TBC1D16: variants seen among roughly 807,000 people sequenced by gnomAD.
TBC1D16 encodes the protein CTD-2529O21.1.
Under a neutral mutation model 74.7 loss-of-function variants are expected in TBC1D16, and 58 were observed. That is an observed-to-expected ratio of 0.78 (90% CI 0.63 to 0.97). The LOEUF (loss-of-function observed/expected upper bound fraction) is 0.97. TBC1D16 is among the 50% of genes least tolerant of loss of function. The pLI, the probability that TBC1D16 is intolerant of heterozygous loss-of-function variation, is 0.00. For missense variants in TBC1D16, 1,014 were observed against 1,079.5 expected, an observed-to-expected ratio of 0.94 and a Z score of 0.85; for synonymous variants, 493 against 474.7, an observed-to-expected ratio of 1.04 and a Z score of -0.50.
rs924821105 is a variant in TBC1D16, at chr17:79,971,939, C to T, written c.780-19121G>A. The stretch of plus-strand genomic sequence containing the variant: ...TGGGTGCAGGGACAAGGAAGGTCTG[C>T]GGAGGACAGGTCGGAGTGCTCTGAA... On this transcript the variant is annotated intron_variant, in intron 3 of 11. Coordinates refer to ENST00000310924, the MANE Select transcript of TBC1D16 (RefSeq NM_019020.4). This position sits in a 1 kb window ranked among gnomAD's most constrained non-coding sequence, Gnocchi z 4.6. Among the ~76,000 whole-genome samples the T allele has an allele frequency of 6.6e-5, 10 of 151,960 alleles. No individual in the cohort carries two copies. The highest frequency in any genetic ancestry group is 4.2e-4 in the South Asian group (2 of 4,808).
At chr17:79,953,963 T>A (rs56015805) in intron 3 of TBC1D16, among the ~76,000 whole-genome samples, 8,435 of 151,986 alleles carry the variant, frequency 0.055, 470 homozygotes, top group African/African-American at 0.14. Context: ...AGAGACGAGG[T>A]TTCACCATGT....
chr17:80,003,709 C>T (rs893045608), intron 3 of TBC1D16, among the ~76,000 whole-genome samples: 6 of 152,166 alleles, frequency 3.9e-5, no homozygotes, highest in Admixed American at 3.9e-4. Context: ...TCCTCTCAAC[C>T]TCTGCCATCC....
rs1169381990 is a variant in TBC1D16 at position 80,010,514 on chromosome 17, A to G, written c.425T>C (p.Leu142Pro). Residue 142 changes from leucine (L) to proline (P), a missense_variant, in exon 3 of 12, where the codon CTG becomes CCG. Coordinates refer to ENST00000310924, the MANE Select transcript of TBC1D16 (RefSeq NM_019020.4). The surrounding 1 kb of genome is among the most constrained non-coding windows in gnomAD (Gnocchi z 8.8). Reference protein sequence around the residue: ...PTLTPKDEDILVVAQSVPDRM... With the variant: ...PTLTPKDEDIPVVAQSVPDRM... The stretch of plus-strand genomic sequence containing the variant: ...GTCTGGAACACTCTGGGCCACCACC[A>G]GGATGTCCTCATCTTTGGGGGTCAG... 5 of 1,611,252 alleles carry G rather than the reference A, an allele frequency of 3.1e-6. No individual in the cohort carries two copies. The South Asian group carries it at 4.4e-5, about 14-fold the overall frequency.
intron 1 of TBC1D16, among the ~76,000 whole-genome samples, chr17:80,014,473 C>T (rs1382800699): frequency 6.6e-6 from 1 of 152,070 alleles, no homozygotes; most frequent in Admixed American, 6.6e-5. Flanking sequence ...AAAATGGGTG[C>T]TCCACACAAG....
chr17:79,989,295 G>A (rs773235313), intron 3 of TBC1D16, among the ~76,000 whole-genome samples: 1 of 152,218 alleles, frequency 6.6e-6, no homozygotes, highest in East Asian at 1.9e-4. Flanking sequence ...GGACCTGCCC[G>A]ACGGGTTTTA....
chr17:79,942,265 AG>A, intron 10 of TBC1D16, 59 bp from the exon 11 acceptor site: 1 of 1,521,700 alleles, frequency 6.6e-7, no homozygotes, highest in African/African-American at 1.4e-5. Context: ...CCCTGCACTC[AG>A]GGGGAAACTG....
In TBC1D16 at chr17:79,979,482, G is replaced by T. The variant is rs1233027515; in HGVS notation, c.780-26664C>A. On this transcript the variant is annotated intron_variant, in intron 3 of 11. Transcript: ENST00000310924. The surrounding 1 kb of genome is among the most constrained non-coding windows in gnomAD (Gnocchi z 4.8). ...GCCTGAAGCGGGAGGCGGGAGGACCGCATAGCTGCAAATGCATCTGGGCGT... is the reference window on the plus strand; with the variant it reads ...GCCTGAAGCGGGAGGCGGGAGGACCTCATAGCTGCAAATGCATCTGGGCGT... 6.6e-6 allele frequency among the ~76,000 whole-genome samples: 1 copy of T among 152,168 alleles called. No individual in the cohort carries two copies. Among genetic ancestry groups the T allele is most frequent in the African/African-American group, 2.4e-5 (1 of 41,444 alleles).
chr17:79,948,844 G>C, intron 8 of TBC1D16, 28 bp downstream of exon 8: 4 of 1,613,770 alleles, frequency 2.5e-6, no homozygotes, highest in Non-Finnish European at 3.4e-6. Flanking sequence ...CTTGCAGATG[G>C]GAAAGGAGCT....
chr17:80,024,904 T>TCACA (rs145513640), intron 1 of TBC1D16, among the ~76,000 whole-genome samples: 2 of 139,122 alleles, frequency 1.4e-5, no homozygotes, highest in African/African-American at 3.1e-5. Context: ...TGCATAAACA[T>TCACA]CACACACACA....
chr17:79,959,884 T>A (rs1312264098), intron 3 of TBC1D16, among the ~76,000 whole-genome samples: 1 of 152,104 alleles, frequency 6.6e-6, no homozygotes, highest in Non-Finnish European at 1.5e-5. Context: ...CTTTTTTTTT[T>A]CATCAAAATA....
At chr17:79,978,046 G>A (rs927473809) in intron 3 of TBC1D16, among the ~76,000 whole-genome samples, 20 of 152,230 alleles carry the variant, frequency 1.3e-4, no homozygotes, top group Non-Finnish European at 2.9e-4. Flanking sequence ...TAAGTGATGG[G>A]CGCACAGCCG....
Position 80,000,442 on chromosome 17 carries a change from T to G in TBC1D16, c.779+9718A>C, listed in dbSNP as rs1026124490. Reference sequence around the variant, plus strand: ...AATGATGTGGCCACAAGCCAAGGAATGCCTGCAGCCACTCAAACCGGAAGA... The same window carrying G: ...AATGATGTGGCCACAAGCCAAGGAAGGCCTGCAGCCACTCAAACCGGAAGA... On this transcript the variant is annotated intron_variant, in intron 3 of 11. Transcript: ENST00000310924. The surrounding 1 kb of genome is among the most constrained non-coding windows in gnomAD (Gnocchi z 4.1). Among the ~76,000 whole-genome samples, 1 of 152,178 alleles carries G rather than the reference T, an allele frequency of 6.6e-6. No homozygotes were observed. Among genetic ancestry groups the G allele is most frequent in the Non-Finnish European group, 1.5e-5 (1 of 68,028 alleles).
intron 10 of TBC1D16, among the ~76,000 whole-genome samples, chr17:79,942,453 G>A (rs1048839587): frequency 1.3e-5 from 2 of 148,458 alleles, no homozygotes; most frequent in Non-Finnish European, 1.5e-5. Flanking sequence ...CAGAGGGGAC[G>A]ATGCTGAGCT....
At position 80,008,607 on chromosome 17, in the gene TBC1D16, G is replaced by T. The variant is rs2035763696; in HGVS notation, c.779+1553C>A. Among the ~76,000 whole-genome samples, 1 of 152,126 alleles carries T rather than the reference G, an allele frequency of 6.6e-6. No homozygotes were observed. Among genetic ancestry groups the T allele is most frequent in the African/African-American group, 2.4e-5 (1 of 41,422 alleles). ...GGGGAGCTCCGACTGAGTCCGGCCT[G>T]CGGGACCCAGGCCAGGACCAGAGTT... On this transcript the variant is annotated intron_variant, in intron 3 of 11. Coordinates refer to ENST00000310924, the MANE Select transcript of TBC1D16 (RefSeq NM_019020.4). The surrounding 1 kb of genome is among the most constrained non-coding windows in gnomAD (Gnocchi z 4.5).
intron 1 of TBC1D16, among the ~76,000 whole-genome samples, chr17:80,029,128 C>T (rs1262490613): frequency 6.6e-6 from 1 of 152,152 alleles, no homozygotes; most frequent in Non-Finnish European, 1.5e-5. Flanking sequence ...AATTAGAGCA[C>T]CATTGAGAAG....
chr17:79,972,957 C>CTT (rs1189762643), intron 3 of TBC1D16, among the ~76,000 whole-genome samples: 1 of 152,128 alleles, frequency 6.6e-6, no homozygotes, highest in African/African-American at 2.4e-5. Flanking sequence ...TGGTGCCTAC[C>CTT]TGTAATCCCA....
Position 79,940,929 on chromosome 17 carries a change from G to A in TBC1D16, c.2234C>T (p.Ser745Phe). Residue 745 changes from serine (S) to phenylalanine (F), a missense_variant, in exon 12 of 12, where the codon TCC becomes TTC. Ser to Phe is a radical substitution (Grantham distance 155). Transcript: ENST00000310924. The surrounding 1 kb of genome is among the most constrained non-coding windows in gnomAD (Gnocchi z 5.4). Reference protein sequence around the residue: ...CPYGGTVEMPSPKSLREGKKG... With the variant: ...CPYGGTVEMPFPKSLREGKKG... ...CTTGCCTTCCCTCAGGGACTTGGGG[G>A]AAGGCATCTCCACCGTGCCCCCGTA... 1.3e-6 allele frequency: 2 copies of A among 1,594,324 alleles called. No homozygotes were observed. Among genetic ancestry groups the A allele is most frequent in the Non-Finnish European group, 1.7e-6 (2 of 1,168,696 alleles).
In TBC1D16 at chr17:79,951,616, G is replaced by T. The variant is rs984315217; in HGVS notation, c.942-19C>A. 6.2e-7 allele frequency: 1 copy of T among 1,609,706 alleles called. No individual in the cohort carries two copies. Among genetic ancestry groups the T allele is most frequent in the East Asian group, 2.2e-5 (1 of 44,760 alleles). The stretch of plus-strand genomic sequence containing the variant: ...CTCGTCGCTGAAGGGCCATTGGAAG[G>T]GGGAGAGGGAAGCCCGATGAATATG... On this transcript the variant is annotated intron_variant, in intron 4 of 11. Coordinates refer to ENST00000310924, the MANE Select transcript of TBC1D16 (RefSeq NM_019020.4).
At position 79,960,985 on chromosome 17, in the gene TBC1D16, A is replaced by C. The variant is rs115302525; in HGVS notation, c.780-8167T>G. On this transcript the variant is annotated intron_variant, in intron 3 of 11. Transcript: ENST00000310924. Reference sequence around the variant, plus strand: ...AGCAATGCCCCCTAGGTATTTACCCAAAATACATGGAAAATGTTCACACGA... The same window carrying C: ...AGCAATGCCCCCTAGGTATTTACCCCAAATACATGGAAAATGTTCACACGA... 9.0e-3 allele frequency among the ~76,000 whole-genome samples: 1,363 copies of C among 152,184 alleles called. 29 individuals are homozygous for C. Among genetic ancestry groups the C allele is most frequent in the African/African-American group, 0.031 (1,271 of 41,506 alleles).
Sources: allele counts gnomAD v4.1 joint callset (sites outside exome capture counted in the v4.1 genomes callset), GRCh38; gene constraint gnomAD v4.1.1; non-coding constraint Gnocchi (gnomAD v3.1); transcripts MANE v1.5; gene names NCBI Gene and HGNC (gene_info 2026-07-23, HGNC 2026-07-21).